USP13: variants seen among roughly 807,000 people sequenced by gnomAD.
USP13 encodes ubiquitin specific peptidase 13.
A neutral mutation model predicts 107.8 loss-of-function variants in USP13; 68 were observed. That is an observed-to-expected ratio of 0.63 (90% CI 0.52 to 0.77). USP13 has a LOEUF of 0.77. Ranked by LOEUF, USP13 falls within the 30% of genes least tolerant of loss-of-function variation. The probability of loss-of-function intolerance (pLI) is 0.00; values close to 1 mark genes in which losing one functional copy is unlikely to be tolerated. For synonymous variants in USP13, 377 were observed against 389.5 expected (o/e 0.97, Z 0.38); for missense variants, 945 against 1,093.3 (o/e 0.86, Z 1.91).
intron 19 of USP13, among the ~76,000 whole-genome samples, chr3:179,774,700 T>C (rs1470181601): frequency 1.3e-5 from 2 of 152,138 alleles, no homozygotes; most frequent in Non-Finnish European, 2.9e-5. Context: ...CTTCCACAGT[T>C]TGGAAGGGGA....
chr3:179,758,322 C>T (rs1714878405), intron 16 of USP13, among the ~76,000 whole-genome samples: 1 of 152,026 alleles, frequency 6.6e-6, no homozygotes, highest in Non-Finnish European at 1.5e-5. Flanking sequence ...AAGTGATGGG[C>T]ATTTGGAATT....
chr3:179,655,198 A>C (rs74494340), intron 1 of USP13, among the ~76,000 whole-genome samples: 5,251 of 152,242 alleles, frequency 0.034, 172 homozygotes, highest in East Asian at 0.15. Context: ...GACTTTCCCC[A>C]TGTTTTGATT....
chr3:179,670,234 C>T (rs1216263935), intron 1 of USP13, among the ~76,000 whole-genome samples: 1 of 152,168 alleles, frequency 6.6e-6, no homozygotes, highest in Non-Finnish European at 1.5e-5. Flanking sequence ...TCCTCAGGCT[C>T]CTCTTATCAC....
At chr3:179,765,480 T>C (rs973129848) in intron 18 of USP13, among the ~76,000 whole-genome samples, 2 of 152,234 alleles carry the variant, frequency 1.3e-5, no homozygotes, top group Non-Finnish European at 2.9e-5. Flanking sequence ...TTCCAGTGAA[T>C]CCAATTACAG....
At chr3:179,675,692 C>T (rs1274904969) in intron 1 of USP13, among the ~76,000 whole-genome samples, 6 of 151,816 alleles carry the variant, frequency 4.0e-5, no homozygotes, top group African/African-American at 1.2e-4. Flanking sequence ...GGACTAGAAG[C>T]GTGTTCCGCC....
At chr3:179,703,680 A>T (rs1218819905) in intron 4 of USP13, among the ~76,000 whole-genome samples, 1 of 152,158 alleles carries the variant, frequency 6.6e-6, no homozygotes, top group East Asian at 1.9e-4. Context: ...TATCAATATG[A>T]CGTCACTGAA....
intron 13 of USP13, among the ~76,000 whole-genome samples, chr3:179,751,676 T>C (rs543255267): frequency 1.3e-5 from 2 of 152,240 alleles, no homozygotes; most frequent in South Asian, 4.1e-4. Context: ...TTCAGAAATA[T>C]AGAACACCAC....
chr3:179,653,220 G>C lies in USP13; in HGVS notation c.-6G>C, dbSNP rs200016596. 7.5e-5 allele frequency: 114 copies of C among 1,524,938 alleles called. No homozygotes were observed. The African/African-American group carries it at 1.4e-3, about 18-fold the overall frequency. The allele number at this position is 1,524,938 out of a possible 1,614,324, so 94.5% of individuals were successfully genotyped here. On this transcript the variant is annotated 5_prime_UTR_variant, in exon 1 of 21. Transcript: ENST00000263966. The surrounding 1 kb of genome is among the most constrained non-coding windows in gnomAD (Gnocchi z 4.0). Reference sequence around the variant, plus strand: ...GGCTCGCTCGGCTCCGGTGCGCGCCGAGGCCATGCAGCGCCGGGGCGCCCT... The same window carrying C: ...GGCTCGCTCGGCTCCGGTGCGCGCCCAGGCCATGCAGCGCCGGGGCGCCCT...
chr3:179,683,057 G>C (rs1439996834), intron 2 of USP13, among the ~76,000 whole-genome samples: 10 of 149,696 alleles, frequency 6.7e-5, no homozygotes. Flanking sequence ...TTTCTATTCT[G>C]GTTTTTTTTT....
At chr3:179,732,855 TA>T (rs1713855872) in intron 10 of USP13, among the ~76,000 whole-genome samples, 2 of 152,218 alleles carry the variant, frequency 1.3e-5, no homozygotes, top group Admixed American at 1.3e-4. Flanking sequence ...GGCTGTAGTG[TA>T]GTAGCTCCTT....
At chr3:179,710,160 A>G (rs954799901) in intron 6 of USP13, among the ~76,000 whole-genome samples, 1 of 152,220 alleles carries the variant, frequency 6.6e-6, no homozygotes, top group South Asian at 2.1e-4. Flanking sequence ...CAAAGTGAAT[A>G]AAGATACACA....
chr3:179,705,447 G>A (rs949801610), intron 4 of USP13, among the ~76,000 whole-genome samples: 2 of 152,024 alleles, frequency 1.3e-5, no homozygotes, highest in African/African-American at 4.8e-5. Flanking sequence ...TCCATGCTCC[G>A]CCTGTGGCAC....
intron 3 of USP13, among the ~76,000 whole-genome samples, chr3:179,692,430 C>T (rs1007160595): frequency 3.3e-5 from 5 of 152,234 alleles, no homozygotes; most frequent in African/African-American, 1.2e-4. Context: ...CGAGGCTTAT[C>T]TGCAGTTGGT....
intron 1 of USP13, among the ~76,000 whole-genome samples, chr3:179,668,986 C>T (rs1329407541): frequency 3.3e-5 from 5 of 152,208 alleles, no homozygotes; most frequent in Admixed American, 2.6e-4. Flanking sequence ...CATGGAAGTA[C>T]CTGAGAGGTT....
intron 6 of USP13, among the ~76,000 whole-genome samples, chr3:179,712,632 A>G (rs755519393): frequency 6.6e-6 from 1 of 152,094 alleles, no homozygotes; most frequent in Non-Finnish European, 1.5e-5. Context: ...TCATTTCACT[A>G]TTCTGTAAGT....
In USP13 at chr3:179,752,383, T is replaced by A. The variant is rs1213475096; in HGVS notation, c.1798+10T>A. 1 of 1,594,582 alleles carries A rather than the reference T, an allele frequency of 6.3e-7. No homozygotes were observed. Among genetic ancestry groups the A allele is most frequent in the African/African-American group, 1.3e-5 (1 of 74,498 alleles). ...GTTCCCAAAAAATTTGGTAGGTATC[T>A]TTTGCGTGCTTTTGCTTAAAACATC... is the stretch of plus-strand genomic sequence containing the variant. On this transcript the variant is annotated intron_variant, in intron 14 of 20. Coordinates refer to ENST00000263966, the MANE Select transcript of USP13 (RefSeq NM_003940.3).
chr3:179,768,978 T>C (rs1006692764), intron 19 of USP13, among the ~76,000 whole-genome samples: 2 of 152,214 alleles, frequency 1.3e-5, no homozygotes, highest in Non-Finnish European at 2.9e-5. Context: ...TATAGATATA[T>C]GAAAAGACAA....
chr3:179,706,135 T>C lies in USP13; in HGVS notation c.478-799T>C, dbSNP rs570811720. ...ATATACCTATGGTAGAATGGCTGGGTCATGCGATAACTCTGTTTAACCATT... is the reference window on the plus strand; with the variant it reads ...ATATACCTATGGTAGAATGGCTGGGCCATGCGATAACTCTGTTTAACCATT... On this transcript the variant is annotated intron_variant, in intron 4 of 20. Transcript: ENST00000263966. 5.3e-5 allele frequency among the ~76,000 whole-genome samples: 8 copies of C among 152,330 alleles called. No homozygotes were observed. The South Asian group carries it at 1.7e-3, about 32-fold the overall frequency.
intron 12 of USP13, among the ~76,000 whole-genome samples, chr3:179,743,666 G>A (rs1714287251): frequency 6.6e-6 from 1 of 152,072 alleles, no homozygotes; most frequent in South Asian, 2.1e-4. Flanking sequence ...CAGGGTTACT[G>A]ACTCACGTGT....
Sources: allele counts gnomAD v4.1 joint callset (sites outside exome capture counted in the v4.1 genomes callset), GRCh38; gene constraint gnomAD v4.1.1; non-coding constraint Gnocchi (gnomAD v3.1); transcripts MANE v1.5; gene names NCBI Gene and HGNC (gene_info 2026-07-23, HGNC 2026-07-21).